The following DLGAP5 variants were observed in gnomAD, a reference collection of about 807,000 sequenced individuals.
DLGAP5 encodes DLG associated protein 5, also known as disks large-associated protein 5.
In DLGAP5, 90 loss-of-function variants were observed where a neutral mutation model predicts 99.6. That is an observed-to-expected ratio of 0.90 (90% confidence interval 0.76 to 1.08). DLGAP5 has a LOEUF of 1.08. Among genes scored for constraint, DLGAP5 ranks in the 50% least tolerant of loss-of-function variants. The probability of loss-of-function intolerance (pLI) is 0.00; values close to 1 mark genes in which losing one functional copy is unlikely to be tolerated. For missense variants in DLGAP5, 1,036 were observed against 983.5 expected (o/e 1.05, Z -0.71); for synonymous variants, 311 against 321.3 (o/e 0.97, Z 0.34).
At chr14:55,150,973 C>A (rs1405500308) in intron 17 of DLGAP5, 125 bp from the exon 18 acceptor site, 2 of 589,004 alleles carry the variant, frequency 3.4e-6, no homozygotes, top group South Asian at 2.0e-5. Flanking sequence ...AAATATAGAC[C>A]CCTATGCTAT....
At chr14:55,164,150 T>A (rs1048419909) in intron 12 of DLGAP5, among the ~76,000 whole-genome samples, 6 of 152,090 alleles carry the variant, frequency 3.9e-5, no homozygotes, top group Non-Finnish European at 7.4e-5. Flanking sequence ...TACACACATA[T>A]CCTCTTAGCT....
intron 14 of DLGAP5, among the ~76,000 whole-genome samples, chr14:55,156,888 C>T (rs1007606783): frequency 3.9e-5 from 6 of 152,150 alleles, no homozygotes; most frequent in African/African-American, 1.2e-4. Context: ...GAATTAAAAA[C>T]ATGATAGCCA....
At chr14:55,189,235 T>C (rs767495465) in intron 1 of DLGAP5, 55 bp from the exon 2 acceptor site, 13 of 1,398,344 alleles carry the variant, frequency 9.3e-6, no homozygotes, top group East Asian at 4.7e-5. Context: ...ATTTAAAAAA[T>C]TAAGATTACA....
chr14:55,183,589 G>A lies in DLGAP5; in HGVS notation c.403C>T (p.Gln135Ter). 1 of 1,579,084 alleles carries A rather than the reference G, an allele frequency of 6.3e-7. No individual in the cohort carries two copies. Among genetic ancestry groups the A allele is most frequent in the East Asian group, 2.3e-5 (1 of 43,522 alleles). ...PDMPCFLLSN[Q>*]NAVKAEPKKA... ...TTTGGCTCAGCTTTCACAGCATTCT[G>A]GTTTGATAAAAGAAAACAAGGCATA... is the stretch of plus-strand genomic sequence containing the variant. The change falls in exon 3 of 19, where the codon CAG becomes TAG. Residue 135 changes from glutamine to a stop codon, truncating the protein, a stop_gained. Transcript: ENST00000247191. LOFTEE classifies it high-confidence loss of function.
intron 16 of DLGAP5, among the ~76,000 whole-genome samples, chr14:55,152,356 G>C (rs1338776051): frequency 6.6e-6 from 1 of 152,208 alleles, no homozygotes; most frequent in African/African-American, 2.4e-5. Flanking sequence ...GCCAAAGTTT[G>C]CTGATTTCTG....
At chr14:55,189,306 T>G (rs1382443383) in intron 1 of DLGAP5, 126 bp from the exon 2 acceptor site, 1 of 724,288 alleles carries the variant, frequency 1.4e-6, no homozygotes, top group Non-Finnish European at 2.3e-6. Flanking sequence ...TGCAATGAAA[T>G]AAATATGTAA....
chr14:55,177,760 A>G (rs1299191787), intron 7 of DLGAP5, among the ~76,000 whole-genome samples: 2 of 151,256 alleles, frequency 1.3e-5, no homozygotes, highest in African/African-American at 4.9e-5. Flanking sequence ...GATGGTCTCA[A>G]TCTCCTGACC....
At chr14:55,183,835 T>C (rs917573485) in intron 2 of DLGAP5, 82 bp from the exon 3 acceptor site, 1 of 1,339,502 alleles carries the variant, frequency 7.5e-7, no homozygotes, top group African/African-American at 1.5e-5. Context: ...ACAATTATTT[T>C]TGTGTCATTT....
At chr14:55,175,269 G>C (rs1883018486) in intron 10 of DLGAP5, 77 bp downstream of exon 10, 11 of 1,393,600 alleles carry the variant, frequency 7.9e-6, no homozygotes, top group African/African-American at 1.5e-5. Context: ...CTATATTAAG[G>C]TTAAAAATTT....
At chr14:55,172,900 T>C (rs1014938200) in intron 10 of DLGAP5, among the ~76,000 whole-genome samples, 16 of 142,896 alleles carry the variant, frequency 1.1e-4, no homozygotes, top group African/African-American at 4.0e-4. Flanking sequence ...GAGAATTGCT[T>C]GAACCTGGGA....
chr14:55,189,744 T>C (rs765092982), intron 1 of DLGAP5, among the ~76,000 whole-genome samples: 1 of 152,176 alleles, frequency 6.6e-6, no homozygotes, highest in Non-Finnish European at 1.5e-5. Flanking sequence ...CACCACTGTT[T>C]AGGAACCTTC....
At chr14:55,182,125 G>A (rs1424758370) in intron 4 of DLGAP5, among the ~76,000 whole-genome samples, 1 of 152,174 alleles carries the variant, frequency 6.6e-6, no homozygotes, top group Admixed American at 6.5e-5. Context: ...CATAATAGGA[G>A]CCCACTAAAC....
chr14:55,161,408 AT>A (rs551424574), intron 13 of DLGAP5, among the ~76,000 whole-genome samples: 13,238 of 115,838 alleles, frequency 0.11, 1,522 homozygotes, highest in African/African-American at 0.35. Flanking sequence ...TAAAAAAAAA[AT>A]TTTTTTTTTT....
In DLGAP5 at chr14:55,158,491, C is replaced by CA. The variant is rs139156235; in HGVS notation, c.1873+30dup. The stretch of plus-strand genomic sequence containing the variant: ...TTCTCTTAAGTAGTCTCAGGAAAAA[C>CA]AAAAAAAATAAAAAATCAAAAACAA... On this transcript the variant is annotated intron_variant, in intron 14 of 18. Coordinates refer to ENST00000247191, the MANE Select transcript of DLGAP5 (RefSeq NM_014750.5). 3,260 of 1,585,636 alleles carry CA rather than the reference C, an allele frequency of 2.1e-3. 68 individuals carry two copies. In the African/African-American group the frequency reaches 0.039, roughly 19 times the overall value.
chr14:55,183,349 C>T (rs1472512235), intron 3 of DLGAP5, among the ~76,000 whole-genome samples: 1 of 152,160 alleles, frequency 6.6e-6, no homozygotes, highest in African/African-American at 2.4e-5. Context: ...CAGCCTGATT[C>T]TACCAATTTT....
At chr14:55,173,279 A>C (rs1236461429) in intron 10 of DLGAP5, among the ~76,000 whole-genome samples, 1 of 128,352 alleles carries the variant, frequency 7.8e-6, no homozygotes, top group South Asian at 2.2e-4. Flanking sequence ...CTACAAAAAA[A>C]AAAAAAAACA....
rs187945169 is a variant in DLGAP5, at chr14:55,154,127, C to G, written c.2063+490G>C. ...TTGTTCAGTACACATTAACTCCCCC[C>G]CCTTCAATATGCTCTGCCATCTGTC... On this transcript the variant is annotated intron_variant, in intron 15 of 18. Transcript: ENST00000247191. Among the ~76,000 whole-genome samples the G allele has an allele frequency of 1.2e-4, 18 of 152,234 alleles. No homozygotes were observed. The East Asian group carries it at 2.3e-3, about 20-fold the overall frequency.
At chr14:55,176,831 A>T (rs534812099) in intron 8 of DLGAP5, among the ~76,000 whole-genome samples, 7 of 152,054 alleles carry the variant, frequency 4.6e-5, no homozygotes, top group Non-Finnish European at 8.8e-5. Context: ...ACAAAAAATT[A>T]GCCGGGCGTG....
Position 55,183,739 on chromosome 14 carries a change from T to C in DLGAP5, c.253A>G (p.Ile85Val), listed in dbSNP as rs774806926. 40 of 1,593,736 alleles carry C rather than the reference T, an allele frequency of 2.5e-5. No homozygotes were observed. The highest frequency in any genetic ancestry group is 1.7e-4 in the Middle Eastern group (1 of 5,900). ...TNVKPRAMKT[I>V]LGDQRKQMLQ... ...ATCTGTTTTCGTTGATCACCTAGAA[T>C]AGTTTTCATTGCCCCTAGGCAGAAA... is the stretch of plus-strand genomic sequence containing the variant. Residue 85 changes from isoleucine to valine, a missense_variant, in exon 3 of 19, where the codon ATT becomes GTT. Ile to Val is a conservative substitution (Grantham distance 29, BLOSUM62 3). Transcript: ENST00000247191.
Sources: allele counts gnomAD v4.1 joint callset (sites outside exome capture counted in the v4.1 genomes callset), GRCh38; gene constraint gnomAD v4.1.1; transcripts MANE v1.5; gene names NCBI Gene and HGNC (gene_info 2026-07-23, HGNC 2026-07-21).